Variants in PKN3 observed in about 807,000 individuals in gnomAD.
PKN3 encodes protein kinase N3.
A neutral mutation model predicts 113.1 loss-of-function variants in PKN3; 91 were observed. The observed-to-expected ratio is 0.80, with a 90% CI of 0.68 to 0.96. The LOEUF (loss-of-function observed/expected upper bound fraction) is 0.96. PKN3 is among the 40% of genes least tolerant of loss of function. The probability of loss-of-function intolerance (pLI) is 0.00; values close to 1 mark genes in which losing one functional copy is unlikely to be tolerated. For missense variants in PKN3, 1,052 were observed against 1,202.2 expected (o/e 0.88, Z 1.85); for synonymous variants, 467 against 499.0 (o/e 0.94, Z 0.85).
At chr9:128,707,430 A>C (rs1297138840) in intron 6 of PKN3, 25 bp downstream of exon 6, 1 of 1,571,906 alleles carries the variant, frequency 6.4e-7, no homozygotes, top group Non-Finnish European at 8.7e-7. Context: ...CTCCCCCTTC[A>C]AAGCTCTCCT....
intron 1 of PKN3, 139 bp downstream of exon 1, chr9:128,703,078 C>T (rs1564368131): frequency 4.9e-6 from 3 of 609,872 alleles, no homozygotes; most frequent in South Asian, 2.6e-5. Context: ...CTGGCCCCGG[C>T]CCCGCGACGC....
At position 128,714,134 on chromosome 9, in the gene PKN3, TG is replaced by T; in HGVS notation, c.1312+18del. ...TCTAAACGCAGAGGTGTGGAGGGAA[TG>T]GGGGCTATGTGTGAGGGAGCAGGGC... On this transcript the variant is annotated intron_variant, in intron 10 of 21. Coordinates refer to ENST00000291906, the MANE Select transcript of PKN3 (RefSeq NM_013355.5). 1 of 1,614,010 alleles carries T rather than the reference TG, an allele frequency of 6.2e-7. No individual in the cohort carries two copies. Among genetic ancestry groups the T allele is most frequent in the South Asian group, 1.1e-5 (1 of 91,072 alleles).
rs553361804 is a variant in PKN3 at position 128,716,016 on chromosome 9, G to A, written c.1808+556G>A. The stretch of plus-strand genomic sequence containing the variant: ...AAAAAACTAATTAAAAAAAAAAAAA[G>A]GAGGGGGAGGCTGGGCACAGTGGCT... On this transcript the variant is annotated intron_variant, in intron 15 of 21. Coordinates refer to ENST00000291906, the MANE Select transcript of PKN3 (RefSeq NM_013355.5). 1.5e-4 allele frequency among the ~76,000 whole-genome samples: 22 copies of A among 150,506 alleles called. No homozygotes were observed. The South Asian group carries it at 4.7e-3, about 32-fold the overall frequency.
chr9:128,703,048 G>A, intron 1 of PKN3, 109 bp downstream of exon 1: 1 of 767,662 alleles, frequency 1.3e-6, no homozygotes, highest in Non-Finnish European at 1.9e-6. Flanking sequence ...CCTCACCCGC[G>A]CCCCTTCCCT....
intron 15 of PKN3, 28 bp from the exon 16 acceptor site, chr9:128,716,719 C>T (rs1291892822): frequency 6.2e-7 from 1 of 1,601,536 alleles, no homozygotes; most frequent in South Asian, 1.1e-5. Context: ...GTTTTCCTTC[C>T]CTCTAATACT....
rs762647564 is a variant in PKN3 at position 128,714,674 on chromosome 9, TGGAGGGA to T, written c.1584+11_1584+17del. 1 of 1,384,736 alleles carries T rather than the reference TGGAGGGA, an allele frequency of 7.2e-7. No individual in the cohort carries two copies. Among genetic ancestry groups the T allele is most frequent in the Non-Finnish European group, 1.0e-6 (1 of 971,226 alleles). 85.8% of individuals were successfully genotyped at this position (1,384,736 alleles called of 1,614,324 possible). ...ATCCGAGGAGACTCCGGTGAGGGGCTGGAGGGACTAGTGGCTCCTAGGGCCGGCTGGG... is the reference window on the plus strand; with the variant it reads ...ATCCGAGGAGACTCCGGTGAGGGGCTCTAGTGGCTCCTAGGGCCGGCTGGG... On this transcript the variant is annotated intron_variant, in intron 12 of 21. Coordinates refer to ENST00000291906, the MANE Select transcript of PKN3 (RefSeq NM_013355.5).
intron 1 of PKN3, 116 bp downstream of exon 1, chr9:128,703,055 C>G (rs774797373): frequency 9.3e-5 from 65 of 700,200 alleles, no homozygotes; most frequent in Non-Finnish European, 1.3e-4. Flanking sequence ...CGCGCCCCTT[C>G]CCTGCCCCTG....
intron 1 of PKN3, chr9:128,704,039 C>T (rs1861935029): frequency 1.0e-6 from 1 of 966,448 alleles, no homozygotes; most frequent in Non-Finnish European, 1.2e-6. Flanking sequence ...GCTGGGCCAG[C>T]AGGCCCCGCT....
chr9:128,709,623 A>G (rs1251578493), intron 6 of PKN3, among the ~76,000 whole-genome samples: 1 of 151,450 alleles, frequency 6.6e-6, no homozygotes, highest in Non-Finnish European at 1.5e-5. Context: ...CTGGTGGTGC[A>G]TGCCTATAAT....
At chr9:128,705,208 C>T (rs1238293213) in intron 1 of PKN3, 95 bp from the exon 2 acceptor site, 2 of 1,464,960 alleles carry the variant, frequency 1.4e-6, no homozygotes, top group Non-Finnish European at 1.8e-6. Flanking sequence ...GGGTGCCGTC[C>T]CTTCCTTCGC....
chr9:128,714,663 C>T lies in PKN3; in HGVS notation c.1583C>T (p.Pro528Leu), dbSNP rs750891213. The change falls in exon 12 of 22, where the codon CCG (proline) becomes CTG (leucine). Residue 528 changes from proline (P) to leucine (L), a missense_variant and splice_region_variant. Physicochemically the swap from Pro to Leu is moderately conservative, Grantham distance 98. Coordinates refer to ENST00000291906, the MANE Select transcript of PKN3 (RefSeq NM_013355.5). ...LPQEPTSEET[P>L]RTKRPHMEPR... ...CAGGAGCCAACATCCGAGGAGACTC[C>T]GGTGAGGGGCTGGAGGGACTAGTGG... is the stretch of plus-strand genomic sequence containing the variant. 16 of 1,424,168 alleles carry T rather than the reference C, an allele frequency of 1.1e-5. No individual in the cohort carries two copies. Among genetic ancestry groups the T allele is most frequent in the Non-Finnish European group, 1.6e-5 (16 of 1,007,510 alleles). 88.2% of individuals were successfully genotyped at this position (1,424,168 alleles called of 1,614,324 possible).
At position 128,702,809 on chromosome 9, in the gene PKN3, G is replaced by A; in HGVS notation, c.-107G>A. On this transcript the variant is annotated 5_prime_UTR_variant, in exon 1 of 22. Coordinates refer to ENST00000291906, the MANE Select transcript of PKN3 (RefSeq NM_013355.5). Reference sequence around the variant, plus strand: ...AGGGGGCGCCCGATCCCGCGTCTCCGGCGCCGCTTCCCGGGAAGTTTCAAG... The same window carrying A: ...AGGGGGCGCCCGATCCCGCGTCTCCAGCGCCGCTTCCCGGGAAGTTTCAAG... 2 of 846,606 alleles carry A rather than the reference G, an allele frequency of 2.4e-6. No homozygotes were observed. The highest frequency in any genetic ancestry group is 3.7e-6 in the Non-Finnish European group (2 of 547,270). The allele number at this position is 846,606 out of a possible 1,614,324, so 52.4% of individuals were successfully genotyped here.
At chr9:128,718,518 C>T in intron 17 of PKN3, 31 bp from the exon 18 acceptor site, 1 of 1,604,898 alleles carries the variant, frequency 6.2e-7, no homozygotes, top group Non-Finnish European at 8.5e-7. Flanking sequence ...AAGCCCCACT[C>T]AGTCCCTTTG....
At chr9:128,707,470 C>T in intron 6 of PKN3, 65 bp downstream of exon 6, 2 of 1,380,056 alleles carry the variant, frequency 1.4e-6, no homozygotes, top group South Asian at 1.3e-5. Context: ...GAAGCACAAA[C>T]AACTCTGATG....
At chr9:128,711,093 C>T (rs1862160608) in intron 6 of PKN3, among the ~76,000 whole-genome samples, 1 of 151,928 alleles carries the variant, frequency 6.6e-6, no homozygotes, top group South Asian at 2.1e-4. Context: ...GCAACCTCCG[C>T]CTCCCGGGTT....
intron 6 of PKN3, chr9:128,709,692 C>A (rs1862122859): frequency 6.6e-6 from 1 of 151,086 alleles, no homozygotes; most frequent in African/African-American, 2.4e-5. Flanking sequence ...GTGGAGGTTG[C>A]AGTGAGCCAA....
In PKN3 at chr9:128,720,064, C is replaced by T. The variant is rs368284267; in HGVS notation, c.2376+47C>T. The T allele has an allele frequency of 4.3e-5, 68 of 1,563,366 alleles. No homozygotes were observed. In the African/African-American group the frequency reaches 8.8e-4, roughly 20 times the overall value. ...GCTGGGCTGGATGGCCGCTCAAGGCCCATGTGCCCTCTGCCGTGGGACAGC... is the reference window on the plus strand; with the variant it reads ...GCTGGGCTGGATGGCCGCTCAAGGCTCATGTGCCCTCTGCCGTGGGACAGC... On this transcript the variant is annotated intron_variant, in intron 20 of 21. Transcript: ENST00000291906. This position sits in a 1 kb window ranked among gnomAD's most constrained non-coding sequence, Gnocchi z 5.5.
intron 18 of PKN3, among the ~76,000 whole-genome samples, chr9:128,719,054 C>T (rs1272602586): frequency 1.3e-5 from 2 of 151,920 alleles, no homozygotes; most frequent in Non-Finnish European, 2.9e-5. Flanking sequence ...CACCACCACA[C>T]CTGGCTAATT....
rs770137433 is a variant in PKN3 at position 128,713,142 on chromosome 9, C to T, written c.926C>T (p.Ser309Phe). Residue 309 changes from serine to phenylalanine, a missense_variant, in exon 7 of 22, where the codon TCC becomes TTC. This residue lies in a region of PKN3 where 719 missense variants were observed against 759.4 expected (regional missense o/e 0.95). Transcript: ENST00000291906. Reference sequence around the variant, plus strand: ...GCGGCCGCACTGGCCAGCAGCCCCTCCGAGGGCTGGCTTCGGACCAAGGCC... The same window carrying T: ...GCGGCCGCACTGGCCAGCAGCCCCTTCGAGGGCTGGCTTCGGACCAAGGCC... ...SPAAALASSP[S>F]EGWLRTKAKH... 2.5e-6 allele frequency: 4 copies of T among 1,611,842 alleles called. No homozygotes were observed. The highest frequency in any genetic ancestry group is 1.1e-5 in the South Asian group (1 of 90,950).
Sources: gnomAD v4.1 joint callset for allele counts (sites outside exome capture counted in the v4.1 genomes callset) on GRCh38, gnomAD v4.1.1 for gene constraint, gnomAD v4.1.1 regional missense constraint, Gnocchi (gnomAD v3.1) non-coding constraint, MANE v1.5 for transcripts, NCBI Gene and HGNC (gene_info 2026-07-23, HGNC 2026-07-21) for gene names.